AFF2: variants seen among roughly 807,000 people sequenced by gnomAD.
AFF2 encodes the protein AF4/FMR2 family member 2.
Under a neutral mutation model 76.9 loss-of-function variants are expected in AFF2, and 14 were observed. The observed-to-expected ratio is 0.18, with a 90% CI of 0.12 to 0.28. The LOEUF is 0.28. Ranked by LOEUF, AFF2 falls within the 10% of genes least tolerant of loss-of-function variation. The probability of loss-of-function intolerance (pLI) is 1.00; values close to 1 mark genes in which losing one functional copy is unlikely to be tolerated. For synonymous variants in AFF2, 398 were observed against 366.7 expected (o/e 1.09, Z -0.98); for missense variants, 868 against 1,001.1 (o/e 0.87, Z 1.79).
intron 3 of AFF2, among the ~76,000 whole-genome samples, chrX:148,805,103 G>A (rs1407984066): frequency 9.0e-6 from 1 of 111,659 alleles, no homozygotes; most frequent in Non-Finnish European, 1.9e-5. Flanking sequence ...TTCTGCATCA[G>A]GGGACTTCTG....
chrX:148,746,600 A>G (rs947620390), intron 3 of AFF2, among the ~76,000 whole-genome samples: 1 of 112,790 alleles, frequency 8.9e-6, no homozygotes, highest in African/African-American at 3.2e-5. Context: ...CCACAACCAT[A>G]CAAGTCAGCA....
chrX:148,788,743 G>T (rs2069854770), intron 3 of AFF2, among the ~76,000 whole-genome samples: 2 of 112,244 alleles, frequency 1.8e-5, no homozygotes, highest in African/African-American at 6.5e-5. Flanking sequence ...GTAGCGTGTG[G>T]AGGGTCTCTC....
chrX:148,679,602 CT>C (rs1557259768), intron 3 of AFF2, among the ~76,000 whole-genome samples: 1 of 111,833 alleles, frequency 8.9e-6, no homozygotes, highest in Non-Finnish European at 1.9e-5. Context: ...TCACTTGTCT[CT>C]TTAATTATTC....
intron 3 of AFF2, among the ~76,000 whole-genome samples, chrX:148,695,426 G>A (rs2054708937): frequency 1.8e-5 from 2 of 111,885 alleles, no homozygotes; most frequent in African/African-American, 6.5e-5. Context: ...AATACCATCT[G>A]ACAGCAAATA....
At chrX:148,694,181 G>A (rs970998198) in intron 3 of AFF2, among the ~76,000 whole-genome samples, 64 of 103,174 alleles carry the variant, frequency 6.2e-4, no homozygotes, top group East Asian at 2.4e-3. Flanking sequence ...GGGTCGGGGG[G>A]GGGGAGGGAT....
At chrX:148,610,954 A>T (rs1557249417) in intron 1 of AFF2, among the ~76,000 whole-genome samples, 4 of 112,493 alleles carry the variant, frequency 3.6e-5, no homozygotes, top group African/African-American at 1.3e-4. Context: ...AACAACACTG[A>T]ATGAATTATA....
chrX:148,855,102 G>A (rs1029749398), intron 7 of AFF2, among the ~76,000 whole-genome samples: 4 of 111,510 alleles, frequency 3.6e-5, no homozygotes, highest in Admixed American at 9.5e-5. Flanking sequence ...TTGGGACTGA[G>A]GGATGTGGAG....
At chrX:148,907,523 G>C (rs1000726235) in intron 9 of AFF2, among the ~76,000 whole-genome samples, 1 of 110,474 alleles carries the variant, frequency 9.1e-6, no homozygotes, top group East Asian at 2.8e-4. Context: ...TGGGTGTCCG[G>C]GGGGGACATC....
chrX:148,692,888 T>C (rs781787760), intron 3 of AFF2, among the ~76,000 whole-genome samples: 2 of 111,153 alleles, frequency 1.8e-5, no homozygotes, highest in South Asian at 3.9e-4. Context: ...TTTAGAGTTG[T>C]CCTGAATTGA....
chrX:148,857,085 T>A (rs903315278), intron 7 of AFF2, among the ~76,000 whole-genome samples: 23 of 111,888 alleles, frequency 2.1e-4, no homozygotes, highest in African/African-American at 7.1e-4. Context: ...AACATTTAAA[T>A]TGGTTTTAAG....
chrX:148,924,339 T>C (rs892652941), intron 9 of AFF2, among the ~76,000 whole-genome samples: 1 of 111,988 alleles, frequency 8.9e-6, no homozygotes, highest in Non-Finnish European at 1.9e-5. Flanking sequence ...TGTATATGCA[T>C]GGGTGTGCAT....
chrX:148,957,062 G>A (rs1451243124), intron 11 of AFF2, among the ~76,000 whole-genome samples: 1 of 112,168 alleles, frequency 8.9e-6, no homozygotes, highest in Admixed American at 9.4e-5. Flanking sequence ...GCTTGACTTG[G>A]GAAAATTTTA....
chrX:148,769,452 G>A (rs1434813414), intron 3 of AFF2, among the ~76,000 whole-genome samples: 2 of 111,743 alleles, frequency 1.8e-5, no homozygotes, highest in East Asian at 5.7e-4. Flanking sequence ...GGACAATGAT[G>A]TATTTTTGTT....
At chrX:148,692,342 G>T (rs1040608403) in intron 3 of AFF2, among the ~76,000 whole-genome samples, 4 of 111,765 alleles carry the variant, frequency 3.6e-5, no homozygotes, top group African/African-American at 1.3e-4. Context: ...TTTTCCTCAA[G>T]AATGCAAACA....
intron 1 of AFF2, among the ~76,000 whole-genome samples, chrX:148,601,465 T>C (rs1293647963): frequency 8.9e-6 from 1 of 112,007 alleles, no homozygotes; most frequent in East Asian, 2.8e-4. Context: ...GTAAAAAAGC[T>C]TTCTAACTCT....
chrX:148,900,875 T>C (rs958999492), intron 8 of AFF2, among the ~76,000 whole-genome samples: 22 of 112,038 alleles, frequency 2.0e-4, no homozygotes, highest in African/African-American at 7.1e-4. Context: ...TAGAAGATAG[T>C]GGTTCCTATA....
intron 7 of AFF2, among the ~76,000 whole-genome samples, chrX:148,879,055 A>C (rs1557278187): frequency 8.9e-6 from 1 of 112,020 alleles, no homozygotes; most frequent in African/African-American, 3.2e-5. Flanking sequence ...TGATTGATTC[A>C]AGTCATATAC....
At chrX:148,773,002 TG>T (rs2069609075) in intron 3 of AFF2, among the ~76,000 whole-genome samples, 1 of 110,790 alleles carries the variant, frequency 9.0e-6, no homozygotes, top group African/African-American at 3.3e-5. Context: ...CAAATATACC[TG>T]TGTAACAAAT....
At chrX:148,917,541 T>C (rs1438397598) in intron 9 of AFF2, among the ~76,000 whole-genome samples, 1 of 112,348 alleles carries the variant, frequency 8.9e-6, no homozygotes, top group African/African-American at 3.2e-5. Flanking sequence ...TTTGGAGTTA[T>C]GAAGTCTGAG....
Sources: allele counts gnomAD v4.1 joint callset (sites outside exome capture counted in the v4.1 genomes callset), GRCh38; gene constraint gnomAD v4.1.1; transcripts MANE v1.5; gene names NCBI Gene and HGNC (gene_info 2026-07-23, HGNC 2026-07-21).